The following SDC2 variants were observed in gnomAD, a reference collection of about 807,000 sequenced individuals.
SDC2 encodes the protein syndecan 2.
Under a neutral mutation model 22.2 loss-of-function variants are expected in SDC2, and 13 were observed. The observed-to-expected ratio is 0.59, with a 90% CI of 0.38 to 0.93. SDC2 has a LOEUF of 0.93. Among genes scored for constraint, SDC2 ranks in the 40% least tolerant of loss-of-function variants. The pLI is 0.00. For missense variants in SDC2, 235 were observed against 246.8 expected (o/e 0.95, Z 0.32); for synonymous variants, 94 against 92.8 (o/e 1.01, Z -0.07).
chr8:96,583,683 ATATGTG>A (rs1480304661), intron 1 of SDC2, among the ~76,000 whole-genome samples: 2 of 123,390 alleles, frequency 1.6e-5, no homozygotes, highest in African/African-American at 6.9e-5. Context: ...TATTTGAAAT[ATATGTG>A]TGTGTGTGTG....
intron 1 of SDC2, among the ~76,000 whole-genome samples, chr8:96,560,406 G>GTT (rs1376472600): frequency 2.0e-5 from 3 of 152,148 alleles, no homozygotes; most frequent in Admixed American, 6.6e-5. Context: ...TTATGTGAAA[G>GTT]TGTATTAAGT....
chr8:96,545,279 A>G (rs1357204234), intron 1 of SDC2, among the ~76,000 whole-genome samples: 1 of 152,182 alleles, frequency 6.6e-6, no homozygotes, highest in African/African-American at 2.4e-5. Flanking sequence ...TTCGGTTTTT[A>G]AAAATGTTTA....
chr8:96,553,770 AG>A (rs1245189825), intron 1 of SDC2, among the ~76,000 whole-genome samples: 1 of 110,442 alleles, frequency 9.1e-6, no homozygotes, highest in Non-Finnish European at 2.4e-5. Context: ...TTTTATTTAA[AG>A]ATTTTTTTTT....
intron 1 of SDC2, among the ~76,000 whole-genome samples, chr8:96,543,249 CTT>C (rs1813880913): frequency 6.6e-6 from 1 of 152,144 alleles, no homozygotes; most frequent in Non-Finnish European, 1.5e-5. Flanking sequence ...AGACAAAAGA[CTT>C]TAATGTACAA....
At position 96,569,155 on chromosome 8, in the gene SDC2, A is replaced by G. The variant is rs181226766; in HGVS notation, c.61-24325A>G. Among the ~76,000 whole-genome samples the G allele has an allele frequency of 2.5e-3, 379 of 152,256 alleles. 2 individuals are homozygous for G. The highest frequency in any genetic ancestry group is 4.3e-3 in the Non-Finnish European group (291 of 68,000). ...CCCGAGTAGCTAGGACTGCAGGTGC[A>G]CACCAACACGTCCGGATAATTTTTA... On this transcript the variant is annotated intron_variant, in intron 1 of 4. Transcript: ENST00000302190.
chr8:96,500,061 C>T (rs1175873686), intron 1 of SDC2, among the ~76,000 whole-genome samples: 1 of 152,140 alleles, frequency 6.6e-6, no homozygotes. Flanking sequence ...AATACACCAG[C>T]CCCCAGTGGA....
At chr8:96,576,641 G>C (rs1410954628) in intron 1 of SDC2, among the ~76,000 whole-genome samples, 1 of 148,460 alleles carries the variant, frequency 6.7e-6, no homozygotes. Flanking sequence ...GGATGGTCTC[G>C]ATCTCCTGAC....
intron 1 of SDC2, chr8:96,538,643 G>C (rs895072426): frequency 6.6e-6 from 1 of 152,228 alleles, no homozygotes; most frequent in African/African-American, 2.4e-5. Flanking sequence ...AAAGTTGAAG[G>C]AGGGACAGTT....
chr8:96,542,976 G>A (rs1252052035), intron 1 of SDC2, among the ~76,000 whole-genome samples: 1 of 152,204 alleles, frequency 6.6e-6, no homozygotes. Context: ...GGAAGGTGGG[G>A]AGAAAGAGGG....
chr8:96,510,962 G>C (rs893990552), intron 1 of SDC2, among the ~76,000 whole-genome samples: 1 of 152,084 alleles, frequency 6.6e-6, no homozygotes, highest in Non-Finnish European at 1.5e-5. Flanking sequence ...TGGAAATTGA[G>C]GTCTGTTACA....
At position 96,609,747 on chromosome 8, in the gene SDC2, T is replaced by G; in HGVS notation, c.*199T>G. The G allele has an allele frequency of 2.5e-6, 1 of 400,086 alleles. No individual in the cohort carries two copies. Among genetic ancestry groups the G allele is most frequent in the Non-Finnish European group, 4.4e-6 (1 of 228,542 alleles). The allele number at this position is 400,086 out of a possible 1,614,324, so 24.8% of individuals were successfully genotyped here. A position where few individuals can be genotyped will look rare whatever the true frequency, so the allele number is the denominator to read the frequency against. The stretch of plus-strand genomic sequence containing the variant: ...AAATTAAAATTTAACATCTGCAGTG[T>G]TCTGTGAATAGCAGTGGCAAAATAT... On this transcript the variant is annotated 3_prime_UTR_variant, in exon 5 of 5. Transcript: ENST00000302190.
At chr8:96,557,321 C>T (rs1448557099) in intron 1 of SDC2, among the ~76,000 whole-genome samples, 1 of 128,068 alleles carries the variant, frequency 7.8e-6, no homozygotes, top group Non-Finnish European at 1.8e-5. Context: ...AAGACACATG[C>T]ACACGTATGT....
intron 2 of SDC2, among the ~76,000 whole-genome samples, chr8:96,596,119 C>T (rs563589064): frequency 3.3e-5 from 5 of 152,256 alleles, no homozygotes; most frequent in East Asian, 1.9e-4. Context: ...ATGATTCCCA[C>T]GAGAAAACCT....
intron 1 of SDC2, among the ~76,000 whole-genome samples, chr8:96,522,896 A>G (rs906225598): frequency 6.6e-6 from 1 of 152,192 alleles, no homozygotes; most frequent in African/African-American, 2.4e-5. Context: ...GAAAGGGGAA[A>G]TGGCTATTTC....
chr8:96,538,160 C>T (rs1318012712), intron 1 of SDC2, among the ~76,000 whole-genome samples: 1 of 152,108 alleles, frequency 6.6e-6, no homozygotes, highest in African/African-American at 2.4e-5. Flanking sequence ...CGGGGTTTCA[C>T]CATGTTGGTC....
intron 1 of SDC2, among the ~76,000 whole-genome samples, chr8:96,539,087 G>A: frequency 6.6e-6 from 1 of 152,188 alleles, no homozygotes; most frequent in African/African-American, 2.4e-5. Context: ...TGTCTAAAAG[G>A]CCGCATTTAT....
At chr8:96,514,853 C>T (rs1040055149) in intron 1 of SDC2, among the ~76,000 whole-genome samples, 3 of 152,154 alleles carry the variant, frequency 2.0e-5, no homozygotes, top group Non-Finnish European at 2.9e-5. Flanking sequence ...GATGGCTACT[C>T]ACCTGCTGTG....
At chr8:96,523,396 C>T (rs1813527116) in intron 1 of SDC2, among the ~76,000 whole-genome samples, 1 of 152,142 alleles carries the variant, frequency 6.6e-6, no homozygotes, top group Admixed American at 6.5e-5. Context: ...GAATGTGTTA[C>T]TTACTAGTTT....
intron 1 of SDC2, among the ~76,000 whole-genome samples, chr8:96,498,867 T>G (rs938013642): frequency 6.6e-6 from 1 of 152,224 alleles, no homozygotes; most frequent in African/African-American, 2.4e-5. Flanking sequence ...TTTTTCTTCC[T>G]TGGGGGCATG....
Sources: allele counts gnomAD v4.1 joint callset (sites outside exome capture counted in the v4.1 genomes callset), GRCh38; gene constraint gnomAD v4.1.1; transcripts MANE v1.5; gene names NCBI Gene and HGNC (gene_info 2026-07-23, HGNC 2026-07-21).